Variants in FER observed in about 807,000 individuals in gnomAD.
FER encodes FER tyrosine kinase.
In FER, 63 loss-of-function variants were observed where a neutral mutation model predicts 111.0. That is an observed-to-expected ratio of 0.57 (90% CI 0.46 to 0.70). The LOEUF (loss-of-function observed/expected upper bound fraction) is 0.70. Among genes scored for constraint, FER ranks in the 30% least tolerant of loss-of-function variants. The pLI, the probability that FER is intolerant of heterozygous loss-of-function variation, is 0.00. For missense variants in FER, 914 were observed against 954.0 expected (o/e 0.96, Z 0.55); for synonymous variants, 327 against 313.9 (o/e 1.04, Z -0.44).
chr5:108,750,530 ATC>A (rs1353362033), intron 1 of FER, among the ~76,000 whole-genome samples: 8 of 152,318 alleles, frequency 5.3e-5, no homozygotes, highest in Admixed American at 5.2e-4. Context: ...TTTAGTGAAG[ATC>A]TGTTTCTCTT....
In FER at chr5:108,947,973, C is replaced by T. The variant is rs141333664; in HGVS notation, c.1329+1751C>T. On this transcript the variant is annotated intron_variant, in intron 11 of 19. Coordinates refer to ENST00000281092, the MANE Select transcript of FER (RefSeq NM_005246.4). ...CTGAGCTCAAGTGATCCTCCCTCCT[C>T]GGCCCCGCTAAGAGTTCAAATTCAT... Among the ~76,000 whole-genome samples the T allele has an allele frequency of 3.6e-3, 549 of 152,002 alleles. 4 individuals are homozygous for T. Among genetic ancestry groups the T allele is most frequent in the African/African-American group, 0.012 (515 of 41,504 alleles).
At chr5:109,021,663 C>T (rs558760638) in intron 13 of FER, among the ~76,000 whole-genome samples, 1 of 152,112 alleles carries the variant, frequency 6.6e-6, no homozygotes, top group African/African-American at 2.4e-5. Flanking sequence ...CAACATATAT[C>T]CCATCTCATT....
chr5:109,012,352 T>C (rs1464082825), intron 13 of FER, among the ~76,000 whole-genome samples: 1 of 152,214 alleles, frequency 6.6e-6, no homozygotes, highest in Non-Finnish European at 1.5e-5. Flanking sequence ...AGTATGTTTT[T>C]CATGGGAGGG....
chr5:108,922,621 A>T (rs1462803096), intron 10 of FER, among the ~76,000 whole-genome samples: 7 of 152,200 alleles, frequency 4.6e-5, no homozygotes, highest in Admixed American at 1.3e-4. Flanking sequence ...ATGAATATTT[A>T]AAAAATAAAT....
intron 13 of FER, among the ~76,000 whole-genome samples, chr5:108,993,027 C>T (rs576120054): frequency 2.1e-4 from 31 of 150,760 alleles, no homozygotes; most frequent in East Asian, 8.0e-4. Flanking sequence ...GGATGGCGGC[C>T]GGGCAGAGAC....
In FER at chr5:108,794,292, A is replaced by G. The variant is rs866062848; in HGVS notation, c.-59-3832A>G. Among the ~76,000 whole-genome samples, 5 of 148,256 alleles carry G rather than the reference A, an allele frequency of 3.4e-5. No individual in the cohort carries two copies. In the South Asian group the frequency reaches 1.1e-3, roughly 32 times the overall value. The stretch of plus-strand genomic sequence containing the variant: ...GAGTGCAGTGATGCAATCTTGGCTC[A>G]CTGCAATCTCCGCCTCCCAGGTTCA... On this transcript the variant is annotated intron_variant, in intron 2 of 19. Coordinates refer to ENST00000281092, the MANE Select transcript of FER (RefSeq NM_005246.4).
intron 13 of FER, among the ~76,000 whole-genome samples, chr5:109,025,610 A>T (rs951941485): frequency 3.2e-4 from 48 of 149,190 alleles, no homozygotes; most frequent in African/African-American, 1.2e-3. Flanking sequence ...AATACCCTTT[A>T]TTTCCTTCTC....
chr5:109,145,478 T>C (rs1490524903), intron 17 of FER, among the ~76,000 whole-genome samples: 1 of 152,008 alleles, frequency 6.6e-6, no homozygotes, highest in Non-Finnish European at 1.5e-5. Flanking sequence ...CTTTACAATT[T>C]TTTTCTTGCC....
intron 13 of FER, among the ~76,000 whole-genome samples, chr5:108,969,116 G>C (rs545558434): frequency 6.6e-6 from 1 of 151,986 alleles, no homozygotes; most frequent in East Asian, 1.9e-4. Context: ...ACTATAGAAG[G>C]CATTTTGGCA....
chr5:108,998,570 A>G (rs1453641007), intron 13 of FER, among the ~76,000 whole-genome samples: 1 of 152,130 alleles, frequency 6.6e-6, no homozygotes, highest in African/African-American at 2.4e-5. Context: ...TGCAGACTGG[A>G]GCTGTTCCTA....
Position 108,993,835 on chromosome 5 carries a change from G to C in FER, c.1656+34488G>C, listed in dbSNP as rs77852527. On this transcript the variant is annotated intron_variant, in intron 13 of 19. Transcript: ENST00000281092. ...ATAGTTGCCCTTCTGACTGGTGTGA[G>C]ATGGTATCTTTGTGGTTTTGATTTG... Among the ~76,000 whole-genome samples, 1,430 of 152,238 alleles carry C rather than the reference G, an allele frequency of 9.4e-3. 22 individuals are homozygous for C. The highest frequency in any genetic ancestry group is 0.033 in the African/African-American group (1,367 of 41,532).
At chr5:109,050,914 G>T (rs1772703301) in intron 16 of FER, among the ~76,000 whole-genome samples, 1 of 152,038 alleles carries the variant, frequency 6.6e-6, no homozygotes, top group African/African-American at 2.4e-5. Context: ...TTTATTCCTG[G>T]CCAGAATTAT....
intron 16 of FER, among the ~76,000 whole-genome samples, chr5:109,058,984 C>T (rs1774025448): frequency 6.6e-6 from 1 of 151,960 alleles, no homozygotes; most frequent in African/African-American, 2.4e-5. Context: ...AGGTAATACA[C>T]CCACCTCAGC....
At chr5:108,931,902 A>C (rs1037136888) in intron 10 of FER, among the ~76,000 whole-genome samples, 3 of 152,042 alleles carry the variant, frequency 2.0e-5, no homozygotes, top group African/African-American at 7.2e-5. Context: ...GTCCATTTGA[A>C]TGTGGTAATT....
intron 13 of FER, among the ~76,000 whole-genome samples, chr5:109,012,461 T>C (rs1277417666): frequency 2.0e-5 from 3 of 152,252 alleles, no homozygotes; most frequent in African/African-American, 7.2e-5. Flanking sequence ...AATACTGATT[T>C]AGTCATCTTT....
chr5:108,791,312 C>T (rs1238358295), intron 2 of FER, among the ~76,000 whole-genome samples: 1 of 152,042 alleles, frequency 6.6e-6, no homozygotes. Flanking sequence ...ACATGTCTGT[C>T]TTTTTTGATT....
intron 16 of FER, chr5:109,051,463 T>A (rs566347397): frequency 1.2e-6 from 2 of 1,613,240 alleles, no homozygotes; most frequent in Non-Finnish European, 1.7e-6. Flanking sequence ...ATCAAAAGGC[T>A]GTGCGTGGGA....
chr5:109,060,290 A>G (rs1171516155), intron 16 of FER, among the ~76,000 whole-genome samples: 1 of 152,196 alleles, frequency 6.6e-6, no homozygotes, highest in Non-Finnish European at 1.5e-5. Flanking sequence ...AAGCTTCAAT[A>G]TACTTCTTAA....
At chr5:109,001,574 A>G (rs1180064931) in intron 13 of FER, among the ~76,000 whole-genome samples, 2 of 152,216 alleles carry the variant, frequency 1.3e-5, no homozygotes, top group South Asian at 2.1e-4. Flanking sequence ...AAACTGGCAC[A>G]AGACAGGGAT....
Sources: gnomAD v4.1 joint callset for allele counts (sites outside exome capture counted in the v4.1 genomes callset) on GRCh38, gnomAD v4.1.1 for gene constraint, MANE v1.5 for transcripts, NCBI Gene and HGNC (gene_info 2026-07-23, HGNC 2026-07-21) for gene names.